ZNF484: variants seen among roughly 807,000 people sequenced by gnomAD.
The protein encoded by ZNF484 is zinc finger protein 484.
Under a neutral mutation model 12.9 loss-of-function variants are expected in ZNF484, and 11 were observed. The ratio of observed to expected loss-of-function variants is 0.85; its 90% CI spans 0.54 to 1.41. ZNF484 has a LOEUF of 1.41. Ranked by LOEUF, ZNF484 falls within the 40% of genes most tolerant of loss-of-function variation. The pLI, the probability that ZNF484 is intolerant of heterozygous loss-of-function variation, is 0.00. For missense variants in ZNF484, 807 were observed against 1,007.7 expected, an observed-to-expected ratio of 0.80 and a Z score of 2.70; for synonymous variants, 289 against 334.1, an observed-to-expected ratio of 0.86 and a Z score of 1.47.
At chr9:92,852,144 T>C (rs1304493640) in intron 4 of ZNF484, among the ~76,000 whole-genome samples, 1 of 152,254 alleles carries the variant, frequency 6.6e-6, no homozygotes, top group African/African-American at 2.4e-5. Flanking sequence ...TGCATTTTAA[T>C]GTACAAGAGT....
chr9:92,850,637 G>A (rs1259884836), intron 4 of ZNF484, among the ~76,000 whole-genome samples: 4 of 152,186 alleles, frequency 2.6e-5, no homozygotes, highest in African/African-American at 9.7e-5. Flanking sequence ...TGGCTGGAGT[G>A]CAATGGCGCG....
chr9:92,877,805 G>A (rs1857928815), intron 1 of ZNF484, 85 bp downstream of exon 1: 4 of 1,535,536 alleles, frequency 2.6e-6, no homozygotes, highest in Non-Finnish European at 3.5e-6. Flanking sequence ...TCCACTGACC[G>A]ACCCCATCAC....
intron 4 of ZNF484, among the ~76,000 whole-genome samples, chr9:92,851,020 C>A (rs1415495182): frequency 6.6e-6 from 1 of 152,160 alleles, no homozygotes; most frequent in East Asian, 1.9e-4. Flanking sequence ...AAACCTGTGC[C>A]CTTCCTTCAC....
Position 92,855,880 on chromosome 9 carries a change from C to T in ZNF484, c.166G>A (p.Val56Ile), listed in dbSNP as rs1856413598. 1.2e-6 allele frequency: 2 copies of T among 1,613,998 alleles called. No homozygotes were observed. Among genetic ancestry groups the T allele is most frequent in the African/African-American group, 2.7e-5 (2 of 74,900 alleles). The change falls in exon 4 of 5, where the codon GTC becomes ATC. Residue 56 changes from valine (V) to isoleucine (I), a missense_variant. Transcript: ENST00000375495. The part of the protein sequence containing the change: ...SVGCQVPKPE[V>I]IFSLEQEEPC... ...TCTTCTTGTTCCAAGCTGAAGATGA[C>T]TTCTGGTTTGGGAACTTGACATCCT...
At position 92,847,446 on chromosome 9, in the gene ZNF484, T is replaced by C; in HGVS notation, c.1341A>G (p.Lys447=). Residue 447 remains lysine, a synonymous_variant, in exon 5 of 5, where the codon AAA becomes AAG. Transcript: ENST00000375495. ...EKPYECSDCG[K]SFIKKSQLHV... ...GGAGTTGTGATTTTTTAATAAAGGA[T>C]TTCCCACAGTCACTGCATTCATAGG... 6.2e-7 allele frequency: 1 copy of C among 1,613,390 alleles called. No individual in the cohort carries two copies. The highest frequency in any genetic ancestry group is 8.5e-7 in the Non-Finnish European group (1 of 1,179,806).
chr9:92,858,773 A>G (rs1203313124), intron 2 of ZNF484, among the ~76,000 whole-genome samples: 1 of 152,176 alleles, frequency 6.6e-6, no homozygotes, highest in East Asian at 1.9e-4. Context: ...AAAAAATTAA[A>G]GAGTAAAAAA....
rs1855815858 is a variant in ZNF484 at position 92,848,200 on chromosome 9, T to C, written c.587A>G (p.Asn196Ser). The change falls in exon 5 of 5, where the codon AAT (asparagine) becomes AGT (serine). Residue 196 changes from asparagine to serine, a missense_variant. Coordinates refer to ENST00000375495, the MANE Select transcript of ZNF484 (RefSeq NM_031486.4). The surrounding 1 kb of genome is among the most constrained non-coding windows in gnomAD (Gnocchi z 4.1). ...AGTCTTATCAGAATTTTCTGTTGCA[T>C]TGTTTCTATTATATAAGGTTATGAT... is the stretch of plus-strand genomic sequence containing the variant. ...EPIITLYNRN[N>S]ATENSDKTIG... 6 of 1,614,096 alleles carry C rather than the reference T, an allele frequency of 3.7e-6. No homozygotes were observed. The East Asian group carries it at 1.3e-4, about 36-fold the overall frequency.
chr9:92,863,058 C>T (rs548352930), intron 2 of ZNF484, among the ~76,000 whole-genome samples: 10 of 152,206 alleles, frequency 6.6e-5, no homozygotes, highest in Non-Finnish European at 1.2e-4. Flanking sequence ...AAATGTGGCA[C>T]ATATACATCA....
intron 2 of ZNF484, among the ~76,000 whole-genome samples, chr9:92,867,513 C>A (rs1857177276): frequency 6.6e-6 from 1 of 151,928 alleles, no homozygotes; most frequent in South Asian, 2.1e-4. Flanking sequence ...ACAACAACAA[C>A]AAAAAAACAA....
intron 2 of ZNF484, among the ~76,000 whole-genome samples, chr9:92,871,462 T>C (rs535023752): frequency 2.8e-4 from 42 of 152,260 alleles, no homozygotes; most frequent in East Asian, 9.6e-4. Context: ...ATTTGTGTCA[T>C]TGGAGTTCCA....
intron 1 of ZNF484, among the ~76,000 whole-genome samples, chr9:92,877,324 A>G (rs886358079): frequency 8.5e-5 from 13 of 152,142 alleles, no homozygotes; most frequent in African/African-American, 2.4e-4. Context: ...AAAATGTCCA[A>G]TGAAACAGAT....
chr9:92,870,940 C>T (rs975734908), intron 2 of ZNF484, among the ~76,000 whole-genome samples: 1 of 152,076 alleles, frequency 6.6e-6, no homozygotes, highest in Non-Finnish European at 1.5e-5. Flanking sequence ...TACAGCAAGG[C>T]CCCCCAATTC....
At chr9:92,862,288 G>C in intron 2 of ZNF484, 1 of 257,778 alleles carries the variant, frequency 3.9e-6, no homozygotes, top group Non-Finnish European at 6.1e-6. Flanking sequence ...TTTATGTTGT[G>C]AACATCTTCA....
At chr9:92,866,206 T>G (rs893215520) in intron 2 of ZNF484, among the ~76,000 whole-genome samples, 1 of 152,194 alleles carries the variant, frequency 6.6e-6, no homozygotes, top group East Asian at 1.9e-4. Flanking sequence ...TTCTTACTTT[T>G]AAATCATATG....
chr9:92,847,551 A>C lies in ZNF484; in HGVS notation c.1236T>G (p.Tyr412Ter), dbSNP rs765495698. 1 of 1,614,140 alleles carries C rather than the reference A, an allele frequency of 6.2e-7. No individual in the cohort carries two copies. Among genetic ancestry groups the C allele is most frequent in the Non-Finnish European group, 8.5e-7 (1 of 1,180,018 alleles). The change falls in exon 5 of 5, where the codon TAT becomes TAG. Residue 412 changes from tyrosine (Y) to a stop codon, truncating the protein, a stop_gained. Coordinates refer to ENST00000375495, the MANE Select transcript of ZNF484 (RefSeq NM_031486.4). LOFTEE classifies it low-confidence loss of function (END_TRUNC). ...HQKIHTGEKP[Y>*]VCTECGKAFI... is the part of the protein sequence containing the mutation. The stretch of plus-strand genomic sequence containing the variant: ...AGGCCTTCCCACATTCAGTACATAC[A>C]TAAGGTTTTTCTCCTGTATGGATTT...
At chr9:92,856,372 A>AT in intron 2 of ZNF484, 54 bp from the exon 3 acceptor site, 1 of 1,401,252 alleles carries the variant, frequency 7.1e-7, no homozygotes, top group South Asian at 1.5e-5. Flanking sequence ...ATATATTTGA[A>AT]TTCAAAAAAA....
rs756222789 is a variant in ZNF484 at position 92,848,576 on chromosome 9, C to G, written c.236-25G>C. ...TCTAAAAAAGAAAGAAAAGATAAGA[C>G]TGACAAAAAGAACAATTAACAGAAA... On this transcript the variant is annotated intron_variant, in intron 4 of 4. Transcript: ENST00000375495. The surrounding 1 kb of genome is among the most constrained non-coding windows in gnomAD (Gnocchi z 4.1). 6.5e-7 allele frequency: 1 copy of G among 1,542,638 alleles called. No homozygotes were observed. Among genetic ancestry groups the G allele is most frequent in the East Asian group, 2.3e-5 (1 of 44,356 alleles).
At chr9:92,860,656 T>C (rs1856735249) in intron 2 of ZNF484, among the ~76,000 whole-genome samples, 1 of 150,298 alleles carries the variant, frequency 6.7e-6, no homozygotes, top group African/African-American at 2.4e-5. Context: ...ACCAGTATAC[T>C]TGAGGTGAAA....
chr9:92,873,476 CA>C (rs1282689197), intron 2 of ZNF484, among the ~76,000 whole-genome samples: 6 of 152,262 alleles, frequency 3.9e-5, no homozygotes, highest in Admixed American at 1.3e-4. Context: ...ATTAAATAGA[CA>C]ATGTGAATAG....
Sources: gnomAD v4.1 joint callset for allele counts (sites outside exome capture counted in the v4.1 genomes callset) on GRCh38, gnomAD v4.1.1 for gene constraint, Gnocchi (gnomAD v3.1) non-coding constraint, MANE v1.5 for transcripts, NCBI Gene and HGNC (gene_info 2026-07-23, HGNC 2026-07-21) for gene names.